COQ6: variants seen among roughly 807,000 people sequenced by gnomAD.
COQ6 encodes ubiquinone biosynthesis monooxygenase COQ6, mitochondrial.
COQ6 carries 45 observed loss-of-function variants against 55.5 expected under a neutral mutation model. The ratio of observed to expected loss-of-function variants is 0.81; its 90% CI spans 0.64 to 1.04. The LOEUF is 1.04. Ranked by LOEUF, COQ6 falls within the 50% of genes least tolerant of loss-of-function variation. COQ6 has a pLI of 0.00. For missense variants in COQ6, 550 were observed against 601.3 expected (o/e 0.91, Z 0.89); for synonymous variants, 206 against 230.5 (o/e 0.89, Z 0.96).
rs558008848 is a variant in COQ6 at position 73,953,469 on chromosome 14, G to T, written c.198G>T (p.Leu66=). 8 of 1,613,896 alleles carry T rather than the reference G, an allele frequency of 5.0e-6. No homozygotes were observed. Among genetic ancestry groups the T allele is most frequent in the Non-Finnish European group, 6.8e-6 (8 of 1,179,872 alleles). Residue 66 remains leucine (L), a synonymous_variant, in exon 2 of 12, where the codon CTG becomes CTT. Transcript: ENST00000334571. ...YDIHFHDKKI[L]LLEAGPKKVL... The stretch of plus-strand genomic sequence containing the variant: ...TTCACTTTCATGACAAGAAAATCCT[G>T]TTGCTCGAAGCAGGTCCAAAGAAAG...
At chr14:73,958,019 G>A in intron 4 of COQ6, 128 bp from the exon 5 acceptor site, 1 of 806,846 alleles carries the variant, frequency 1.2e-6, no homozygotes, top group South Asian at 1.4e-5. Flanking sequence ...ATTAATTACT[G>A]ATTTTTTTAA....
intron 2 of COQ6, among the ~76,000 whole-genome samples, chr14:73,955,015 G>C (rs2056365000): frequency 7.2e-6 from 1 of 139,192 alleles, no homozygotes; most frequent in Non-Finnish European, 1.5e-5. Flanking sequence ...GCAGTGGCAC[G>C]ATCTCGGCTC....
In COQ6 at chr14:73,963,115, C is replaced by A; in HGVS notation, c.*116C>A. On this transcript the variant is annotated 3_prime_UTR_variant, in exon 12 of 12. Coordinates refer to ENST00000334571, the MANE Select transcript of COQ6 (RefSeq NM_182476.3). Reference sequence around the variant, plus strand: ...AATAAACTTACTTTACATTAAAATTCTCTTTTTCTTCTTTGCTTAATGGGC... The same window carrying A: ...AATAAACTTACTTTACATTAAAATTATCTTTTTCTTCTTTGCTTAATGGGC... The A allele has an allele frequency of 1.1e-6, 1 of 940,570 alleles. No homozygotes were observed. The highest frequency in any genetic ancestry group is 1.4e-5 in the South Asian group (1 of 73,056). 58.3% of individuals were successfully genotyped at this position (940,570 alleles called of 1,614,324 possible). A position where few individuals can be genotyped will look rare whatever the true frequency, so the allele number is the denominator to read the frequency against.
intron 8 of COQ6, chr14:73,960,500 A>C (rs771523517): frequency 1.4e-5 from 14 of 996,530 alleles, no homozygotes; most frequent in Non-Finnish European, 1.6e-5. Flanking sequence ...GAACATACTG[A>C]AATGGATTCC....
At position 73,950,650 on chromosome 14, in the gene COQ6, A is replaced by G. The variant is rs1035762150; in HGVS notation, c.163+155A>G. 4.3e-6 allele frequency: 5 copies of G among 1,173,214 alleles called. No individual in the cohort carries two copies. The Admixed American group carries it at 1.1e-4, about 25-fold the overall frequency. The allele number at this position is 1,173,214 out of a possible 1,614,324, so 72.7% of individuals were successfully genotyped here. A position where few individuals can be genotyped will look rare whatever the true frequency, so the allele number is the denominator to read the frequency against. On this transcript the variant is annotated intron_variant, in intron 1 of 11. Transcript: ENST00000334571. ...CTAGAGGAACCCCAGGGCACGCCGG[A>G]ATGCGTGTGGTCCTTCAGGGTCCAT...
intron 1 of COQ6, among the ~76,000 whole-genome samples, chr14:73,952,965 C>T (rs947128367): frequency 2.0e-5 from 3 of 152,274 alleles, no homozygotes; most frequent in South Asian, 2.1e-4. Context: ...TGTGAGCCAC[C>T]GCACCGGCCT....
Position 73,961,437 on chromosome 14 carries a change from A to G in COQ6, c.1095-18A>G. The G allele has an allele frequency of 6.2e-7, 1 of 1,613,660 alleles. No individual in the cohort carries two copies. The highest frequency in any genetic ancestry group is 8.5e-7 in the Non-Finnish European group (1 of 1,179,680). On this transcript the variant is annotated intron_variant, in intron 9 of 11. Coordinates refer to ENST00000334571, the MANE Select transcript of COQ6 (RefSeq NM_182476.3). Reference sequence around the variant, plus strand: ...CTTTGCTGCCAGAGGTCACACCTGAACTCTGCTTTATTCTTAGGGATGCAG... The same window carrying G: ...CTTTGCTGCCAGAGGTCACACCTGAGCTCTGCTTTATTCTTAGGGATGCAG...
chr14:73,957,095 A>AT (rs1194476384), intron 4 of COQ6, among the ~76,000 whole-genome samples: 31 of 127,994 alleles, frequency 2.4e-4, no homozygotes, highest in East Asian at 1.6e-3. Flanking sequence ...TATTATTATT[A>AT]TTATTATTTT....
chr14:73,952,696 ATTCT>A (rs2056249318), intron 1 of COQ6, among the ~76,000 whole-genome samples: 1 of 151,758 alleles, frequency 6.6e-6, no homozygotes, highest in African/African-American at 2.4e-5. Context: ...ATAAACTCTA[ATTCT>A]TTCTTTTTGA....
intron 2 of COQ6, 181 bp downstream of exon 2, chr14:73,953,750 A>G: frequency 2.8e-6 from 2 of 722,170 alleles, no homozygotes; most frequent in South Asian, 3.2e-5. Context: ...TGCAGTTGCT[A>G]CTGCCTCAAC....
At chr14:73,957,594 C>T (rs933896535) in intron 4 of COQ6, among the ~76,000 whole-genome samples, 13 of 152,124 alleles carry the variant, frequency 8.5e-5, no homozygotes, top group African/African-American at 3.1e-4. Context: ...CGCACCATCA[C>T]GCCTGGTTAA....
At chr14:73,961,945 A>G in intron 11 of COQ6, 42 bp downstream of exon 11, 1 of 1,610,104 alleles carries the variant, frequency 6.2e-7, no homozygotes, top group Non-Finnish European at 8.5e-7. Flanking sequence ...AACAGCTCTT[A>G]ATTTCTTTTG....
Position 73,955,507 on chromosome 14 carries a change from C to A in COQ6, c.355C>A (p.Gln119Lys). The A allele has an allele frequency of 6.2e-7, 1 of 1,613,672 alleles. No individual in the cohort carries two copies. The highest frequency in any genetic ancestry group is 8.5e-7 in the Non-Finnish European group (1 of 1,179,570). The change falls in exon 3 of 12, where the codon CAG becomes AAG. Residue 119 changes from glutamine (Q) to lysine (K), a missense_variant and splice_region_variant. Transcript: ENST00000334571. The stretch of plus-strand genomic sequence containing the variant: ...GAGATACAGAGCCTTTCGGCGAATG[C>A]AGGTGCCCCTTTATCTTTTCAATTT... ...NMRYRAFRRM[Q>K]VWDACSEALI...
At chr14:73,949,995 C>G (rs11848954), upstream of COQ6, 16,395 of 1,613,392 alleles carry the variant, frequency 0.01, 294 homozygotes, top group African/African-American at 0.072. Flanking sequence ...CTCCGCGCCT[C>G]CGGGGGCTCC....
At chr14:73,952,945 G>A (rs1056993221) in intron 1 of COQ6, among the ~76,000 whole-genome samples, 1 of 152,088 alleles carries the variant, frequency 6.6e-6, no homozygotes, top group Non-Finnish European at 1.5e-5. Flanking sequence ...CAAAGTGCTG[G>A]GATTACAGGT....
chr14:73,963,116 TC>T lies in COQ6; in HGVS notation c.*118del, dbSNP rs768964719. On this transcript the variant is annotated 3_prime_UTR_variant, in exon 12 of 12. Coordinates refer to ENST00000334571, the MANE Select transcript of COQ6 (RefSeq NM_182476.3). ...ATAAACTTACTTTACATTAAAATTC[TC>T]TTTTTCTTCTTTGCTTAATGGGCCT... 9 of 913,266 alleles carry T rather than the reference TC, an allele frequency of 9.9e-6. 1 individual carries two copies. In the East Asian group the frequency reaches 2.4e-4, roughly 24 times the overall value. The allele number at this position is 913,266 out of a possible 1,614,324, so 56.6% of individuals were successfully genotyped here.
At chr14:73,958,461 G>A in intron 5 of COQ6, 184 bp downstream of exon 5, 1 of 1,459,392 alleles carries the variant, frequency 6.9e-7, no homozygotes, top group Non-Finnish European at 9.1e-7. Flanking sequence ...TGTACAGGGA[G>A]CAATCTCATG....
In COQ6 at chr14:73,958,469, A is replaced by G. The variant is rs895428300; in HGVS notation, c.612+192A>G. The G allele has an allele frequency of 2.8e-6, 4 of 1,442,582 alleles. No homozygotes were observed. In the South Asian group the frequency reaches 5.2e-5, roughly 19 times the overall value. The allele number at this position is 1,442,582 out of a possible 1,614,324, so 89.4% of individuals were successfully genotyped here. A position where few individuals can be genotyped will look rare whatever the true frequency, so the allele number is the denominator to read the frequency against. ...TAAATCCTGTACAGGGAGCAATCTC[A>G]TGGGCCGTCTTAGGTTGTGAAATAA... is the stretch of plus-strand genomic sequence containing the variant. On this transcript the variant is annotated intron_variant, in intron 5 of 11. Coordinates refer to ENST00000334571, the MANE Select transcript of COQ6 (RefSeq NM_182476.3).
At chr14:73,962,796 AAC>A (rs2140429141) in intron 11 of COQ6, 172 bp from the exon 12 acceptor site, 1 of 631,424 alleles carries the variant, frequency 1.6e-6, no homozygotes, top group South Asian at 2.0e-5. Flanking sequence ...CAGCCCAGTC[AAC>A]AGAGTGAGAC....
Sources: gnomAD v4.1 joint callset for allele counts (sites outside exome capture counted in the v4.1 genomes callset) on GRCh38, gnomAD v4.1.1 for gene constraint, MANE v1.5 for transcripts, NCBI Gene and HGNC (gene_info 2026-07-23, HGNC 2026-07-21) for gene names.